The following KHDRBS3 variants were observed in gnomAD, a reference collection of about 807,000 sequenced individuals.
KHDRBS3 encodes KH domain-containing, RNA-binding, signal transduction-associated protein 3.
In KHDRBS3, 23 loss-of-function variants were observed where a neutral mutation model predicts 45.6. That is an observed-to-expected ratio of 0.50 (90% CI 0.36 to 0.72). KHDRBS3 has a LOEUF of 0.72. KHDRBS3 is among the 30% of genes least tolerant of loss of function. The probability of loss-of-function intolerance (pLI) is 0.00; values close to 1 mark genes in which losing one functional copy is unlikely to be tolerated. For synonymous variants in KHDRBS3, 162 were observed against 156.5 expected (o/e 1.04, Z -0.26); for missense variants, 352 against 424.8 (o/e 0.83, Z 1.51).
chr8:135,589,640 A>G (rs1031066360), intron 6 of KHDRBS3, among the ~76,000 whole-genome samples: 6 of 152,198 alleles, frequency 3.9e-5, no homozygotes, highest in Non-Finnish European at 8.8e-5. Flanking sequence ...AGCATCTTCC[A>G]TGTCCCTTTA....
chr8:135,574,161 C>T (rs917535635), intron 5 of KHDRBS3, among the ~76,000 whole-genome samples: 7 of 96,012 alleles, frequency 7.3e-5, no homozygotes, highest in African/African-American at 2.8e-4. Flanking sequence ...ACGTCACCTC[C>T]ATCATGTTAG....
intron 6 of KHDRBS3, among the ~76,000 whole-genome samples, chr8:135,582,321 T>A (rs1194503839): frequency 6.6e-6 from 1 of 152,164 alleles, no homozygotes; most frequent in Non-Finnish European, 1.5e-5. Context: ...TGGGGAGGTG[T>A]AAGACTAAGG....
intron 7 of KHDRBS3, among the ~76,000 whole-genome samples, chr8:135,616,324 A>AG (rs1252579619): frequency 1.3e-5 from 2 of 152,192 alleles, no homozygotes; most frequent in African/African-American, 4.8e-5. Flanking sequence ...GCAACTAGTA[A>AG]GGGGGAAAAA....
At chr8:135,478,947 G>A (rs920507209) in intron 1 of KHDRBS3, among the ~76,000 whole-genome samples, 4 of 152,052 alleles carry the variant, frequency 2.6e-5, no homozygotes, top group African/African-American at 9.7e-5. Flanking sequence ...AATAACACAG[G>A]TTGGAATGGA....
intron 6 of KHDRBS3, among the ~76,000 whole-genome samples, chr8:135,602,771 G>A (rs769466715): frequency 7.9e-5 from 12 of 151,942 alleles, no homozygotes; most frequent in Non-Finnish European, 1.3e-4. Flanking sequence ...TTTCTGTTTC[G>A]TGCCCTCACA....
chr8:135,511,304 C>T (rs1430705584), intron 1 of KHDRBS3, among the ~76,000 whole-genome samples: 3 of 152,110 alleles, frequency 2.0e-5, no homozygotes, highest in African/African-American at 7.2e-5. Flanking sequence ...GGAAGATAGT[C>T]GTTAAATAAA....
At chr8:135,528,988 G>C (rs1483763077) in intron 2 of KHDRBS3, among the ~76,000 whole-genome samples, 1 of 152,114 alleles carries the variant, frequency 6.6e-6, no homozygotes, top group Non-Finnish European at 1.5e-5. Flanking sequence ...TTGGGATTTT[G>C]AATCTTGTTG....
intron 1 of KHDRBS3, among the ~76,000 whole-genome samples, chr8:135,489,345 T>C (rs185924787): frequency 9.5e-4 from 144 of 152,286 alleles, no homozygotes; most frequent in African/African-American, 3.3e-3. Flanking sequence ...AGACTTAATA[T>C]GTGTGTATTT....
rs762605194 is a variant in KHDRBS3 at position 135,548,708 on chromosome 8, T to C, written c.325-46T>C. ...ATTTATTTATTTATCTTTCATTTCT[T>C]ATAATGACACGTTTTTAAATGTGAT... On this transcript the variant is annotated intron_variant, in intron 3 of 8. Coordinates refer to ENST00000355849, the MANE Select transcript of KHDRBS3 (RefSeq NM_006558.3). The C allele has an allele frequency of 2.9e-6, 4 of 1,372,314 alleles. No homozygotes were observed. In the African/African-American group the frequency reaches 5.9e-5, roughly 20 times the overall value. 85.0% of individuals were successfully genotyped at this position (1,372,314 alleles called of 1,614,324 possible).
At chr8:135,474,884 G>C (rs1563704380) in intron 1 of KHDRBS3, among the ~76,000 whole-genome samples, 1 of 152,212 alleles carries the variant, frequency 6.6e-6, no homozygotes, top group Non-Finnish European at 1.5e-5. Flanking sequence ...GGGCGCTGCT[G>C]TGCTCCTTTC....
At chr8:135,525,772 T>C (rs1323480846) in intron 2 of KHDRBS3, among the ~76,000 whole-genome samples, 9 of 152,200 alleles carry the variant, frequency 5.9e-5, no homozygotes, top group Non-Finnish European at 1.0e-4. Context: ...ATACTTAATA[T>C]GCAATAGATA....
In KHDRBS3 at chr8:135,511,465, G is replaced by A. The variant is rs558058804; in HGVS notation, c.89-9772G>A. On this transcript the variant is annotated intron_variant, in intron 1 of 8. Transcript: ENST00000355849. ...TTGGAAATTTGACTGTCATTTTCTC[G>A]TGTGTATGTTTTAATCTTATGTGTT... Among the ~76,000 whole-genome samples the A allele has an allele frequency of 3.2e-4, 48 of 151,610 alleles. 1 individual carries two copies. In the South Asian group the frequency reaches 3.3e-3, roughly 11 times the overall value.
intron 4 of KHDRBS3, chr8:135,549,764 T>C (rs1319939341): frequency 6.6e-6 from 1 of 152,222 alleles, no homozygotes; most frequent in African/African-American, 2.4e-5. Context: ...TGGATTGACT[T>C]ACATACTACA....
chr8:135,580,603 C>CT (rs1183741259), intron 5 of KHDRBS3, among the ~76,000 whole-genome samples: 1 of 105,456 alleles, frequency 9.5e-6, no homozygotes, highest in Non-Finnish European at 1.9e-5. Flanking sequence ...CTCTCTCTCT[C>CT]TCTTTTTTTT....
At chr8:135,492,439 A>G (rs1413914659) in intron 1 of KHDRBS3, among the ~76,000 whole-genome samples, 1 of 151,824 alleles carries the variant, frequency 6.6e-6, no homozygotes, top group Non-Finnish European at 1.5e-5. Context: ...AAAAAGGAAT[A>G]TTGAGATATA....
At chr8:135,466,315 C>T (rs751062665) in intron 1 of KHDRBS3, among the ~76,000 whole-genome samples, 4 of 152,112 alleles carry the variant, frequency 2.6e-5, no homozygotes, top group Non-Finnish European at 5.9e-5. Context: ...ATGACTTTCA[C>T]GTGAATTTAG....
Position 135,548,909 on chromosome 8 carries a change from CA to C in KHDRBS3, c.471+10del. ...AAAAGTTCCTCATCCCTGTTAGTAC[CA>C]TTTTTCTTGATAGTTAACTTGTACT... On this transcript the variant is annotated intron_variant, in intron 4 of 8. Transcript: ENST00000355849. 1 of 1,556,736 alleles carries C rather than the reference CA, an allele frequency of 6.4e-7. No homozygotes were observed. Among genetic ancestry groups the C allele is most frequent in the Non-Finnish European group, 8.7e-7 (1 of 1,153,466 alleles).
At chr8:135,512,431 G>GC in intron 1 of KHDRBS3, among the ~76,000 whole-genome samples, 1 of 136,184 alleles carries the variant, frequency 7.3e-6, no homozygotes, top group African/African-American at 2.7e-5. Flanking sequence ...GGAAAAGTCG[G>GC]GGGGGGGGTA....
At chr8:135,553,989 C>A (rs2317279) in intron 4 of KHDRBS3, among the ~76,000 whole-genome samples, 121,504 of 152,158 alleles carry the variant, frequency 0.8, 49,056 homozygotes, top group East Asian at 0.96. Context: ...GACCAAGAAA[C>A]TACTAACTAT....
Sources: gnomAD v4.1 joint callset for allele counts (sites outside exome capture counted in the v4.1 genomes callset) on GRCh38, gnomAD v4.1.1 for gene constraint, MANE v1.5 for transcripts, NCBI Gene and HGNC (gene_info 2026-07-23, HGNC 2026-07-21) for gene names.